The following ZNF683 variants were observed in gnomAD, a reference collection of about 807,000 sequenced individuals.
ZNF683 encodes the protein zinc finger protein 683.
A neutral mutation model predicts 31.4 loss-of-function variants in ZNF683; 20 were observed. That is an observed-to-expected ratio of 0.64 (90% CI 0.45 to 0.93). ZNF683 has a LOEUF of 0.93. Ranked by LOEUF, ZNF683 falls within the 40% of genes least tolerant of loss-of-function variation. The probability of loss-of-function intolerance (pLI) is 0.00; values close to 1 mark genes in which losing one functional copy is unlikely to be tolerated. For missense variants in ZNF683, 621 were observed against 637.2 expected, an observed-to-expected ratio of 0.97 and a Z score of 0.27; for synonymous variants, 264 against 267.6, an observed-to-expected ratio of 0.99 and a Z score of 0.13.
intron 3 of ZNF683, among the ~76,000 whole-genome samples, chr1:26,367,384 C>G (rs1032194501): frequency 2.6e-5 from 4 of 152,188 alleles, no homozygotes; most frequent in Non-Finnish European, 5.9e-5. Flanking sequence ...AGCCAGTGCC[C>G]AGCTTCTCTG....
intron 5 of ZNF683, 41 bp downstream of exon 5, chr1:26,362,985 C>G: frequency 6.4e-7 from 1 of 1,562,788 alleles, no homozygotes. Context: ...AAACTCCTCT[C>G]CAGCCTATAG....
rs370242421 is a variant in ZNF683 at position 26,364,849 on chromosome 1, T to C, written c.697A>G (p.Met233Val). Residue 233 changes from methionine (M) to valine (V), a missense_variant, in exon 4 of 6, where the codon ATG (methionine) becomes GTG (valine). Physicochemically the swap from Met to Val is conservative, Grantham distance 21 (BLOSUM62 1). Coordinates refer to ENST00000349618, the MANE Select transcript of ZNF683 (RefSeq NM_001114759.3). ...PQDPSYPTMAMPSLLMMVNEL... is the reference protein window; with the variant it reads ...PQDPSYPTMAVPSLLMMVNEL... ...TTGACCATCATCAGCAGGCTAGGCA[T>C]AGCCATGGTGGGGTAGGAGGGGTCT... The C allele has an allele frequency of 6.4e-6, 10 of 1,564,766 alleles. No homozygotes were observed. Among genetic ancestry groups the C allele is most frequent in the East Asian group, 2.2e-5 (1 of 44,472 alleles).
intron 1 of ZNF683, among the ~76,000 whole-genome samples, chr1:26,371,492 C>T (rs1484948807): frequency 6.6e-6 from 1 of 151,976 alleles, no homozygotes; most frequent in Admixed American, 6.6e-5. Context: ...CCCAGCTACT[C>T]AGGAGGCTGA....
At chr1:26,371,820 T>C (rs771346998) in intron 1 of ZNF683, among the ~76,000 whole-genome samples, 2 of 151,234 alleles carry the variant, frequency 1.3e-5, no homozygotes, top group African/African-American at 2.4e-5. Context: ...TTGTTCCAGC[T>C]ACTCAGGAGG....
In ZNF683 at chr1:26,369,013, G is replaced by A. The variant is rs61775138; in HGVS notation, c.-14-428C>T. Among the ~76,000 whole-genome samples, 528 of 151,800 alleles carry A rather than the reference G, an allele frequency of 3.5e-3. 1 individual carries two copies. Among genetic ancestry groups the A allele is most frequent in the Non-Finnish European group, 6.0e-3 (409 of 67,902 alleles). The stretch of plus-strand genomic sequence containing the variant: ...TAATCCCAGCACTTTGGGAGTCCAA[G>A]GCGGTTGGATGACCTGATGTCAGGA... On this transcript the variant is annotated intron_variant, in intron 1 of 5. Coordinates refer to ENST00000349618, the MANE Select transcript of ZNF683 (RefSeq NM_001114759.3).
chr1:26,363,012 G>A lies in ZNF683; in HGVS notation c.1143+14C>T. 1 of 1,604,340 alleles carries A rather than the reference G, an allele frequency of 6.2e-7. No individual in the cohort carries two copies. Among genetic ancestry groups the A allele is most frequent in the Non-Finnish European group, 8.5e-7 (1 of 1,174,700 alleles). On this transcript the variant is annotated intron_variant, in intron 5 of 5. Transcript: ENST00000349618. ...AGCCTATAGGAGTACATAGTAGGGG[G>A]AGAAGGATCTCACCGAGCACTTGTG... is the stretch of plus-strand genomic sequence containing the variant.
At chr1:26,362,475 A>G (rs1007447282) in intron 5 of ZNF683, among the ~76,000 whole-genome samples, 1 of 152,088 alleles carries the variant, frequency 6.6e-6, no homozygotes. Flanking sequence ...TACAAGTCCT[A>G]TATTATAGTA....
At chr1:26,363,235 C>T in intron 4 of ZNF683, 81 bp from the exon 5 acceptor site, 2 of 1,496,174 alleles carry the variant, frequency 1.3e-6, no homozygotes, top group Non-Finnish European at 9.0e-7. Flanking sequence ...TCTCTGCCCA[C>T]TTCTCTCTCC....
At chr1:26,370,057 T>C (rs929475265) in intron 1 of ZNF683, among the ~76,000 whole-genome samples, 1 of 151,908 alleles carries the variant, frequency 6.6e-6, no homozygotes, top group African/African-American at 2.4e-5. Context: ...AGAGCAGAGC[T>C]CTCCTGAGAG....
At chr1:26,363,655 C>G (rs2074441219) in intron 4 of ZNF683, among the ~76,000 whole-genome samples, 1 of 150,952 alleles carries the variant, frequency 6.6e-6, no homozygotes, top group African/African-American at 2.4e-5. Context: ...TTCGTCCCAG[C>G]TACCGGGGAG....
chr1:26,371,614 A>T (rs963078364), intron 1 of ZNF683, among the ~76,000 whole-genome samples: 2 of 149,178 alleles, frequency 1.3e-5, no homozygotes, highest in Admixed American at 1.3e-4. Context: ...AAAAAAAAAA[A>T]AATAGACATA....
At position 26,372,706 on chromosome 1, in the gene ZNF683, G is replaced by C; in HGVS notation, c.-52C>G. The C allele has an allele frequency of 7.9e-7, 1 of 1,268,392 alleles. No individual in the cohort carries two copies. The highest frequency in any genetic ancestry group is 1.0e-6 in the Non-Finnish European group (1 of 974,430). The allele number at this position is 1,268,392 out of a possible 1,614,324, so 78.6% of individuals were successfully genotyped here. A position where few individuals can be genotyped will look rare whatever the true frequency, so the allele number is the denominator to read the frequency against. ...GGGCTTTCCTTGGCTTGGGTCTCTG[G>C]TCTGGGTCAAGGCATCTGCTCAGGT... is the stretch of plus-strand genomic sequence containing the variant. On this transcript the variant is annotated 5_prime_UTR_variant, in exon 1 of 6. Coordinates refer to ENST00000349618, the MANE Select transcript of ZNF683 (RefSeq NM_001114759.3).
At position 26,372,429 on chromosome 1, in the gene ZNF683, G is replaced by C. The variant is rs553850187; in HGVS notation, c.-15+240C>G. 6.8e-5 allele frequency: 87 copies of C among 1,271,220 alleles called. No homozygotes were observed. The Middle Eastern group carries it at 8.7e-4, about 13-fold the overall frequency. 78.7% of individuals were successfully genotyped at this position (1,271,220 alleles called of 1,614,324 possible). A position where few individuals can be genotyped will look rare whatever the true frequency, so the allele number is the denominator to read the frequency against. On this transcript the variant is annotated intron_variant, in intron 1 of 5. Coordinates refer to ENST00000349618, the MANE Select transcript of ZNF683 (RefSeq NM_001114759.3). The stretch of plus-strand genomic sequence containing the variant: ...AAAGGTACCTCCCATTATAAAAGCC[G>C]AAATGGCCAAATACTTAATTCCAAC...
At position 26,365,120 on chromosome 1, in the gene ZNF683, G is replaced by A. The variant is rs771860821; in HGVS notation, c.426C>T (p.Gly142=). Residue 142 remains glycine, a synonymous_variant, in exon 4 of 6, where the codon GGC becomes GGT. Transcript: ENST00000349618. The part of the protein sequence containing the change: ...DKLGKQPERA[G]EGAPCPAFSS... ...AGAAGGCTGGGCAGGGGGCCCCCTC[G>A]CCAGCTCTTTCTGGCTGTTTTCCCA... 5.0e-6 allele frequency: 8 copies of A among 1,607,196 alleles called. No homozygotes were observed. Among genetic ancestry groups the A allele is most frequent in the East Asian group, 4.5e-5 (2 of 44,696 alleles).
intron 1 of ZNF683, 184 bp downstream of exon 1, chr1:26,372,485 A>G (rs780260187): frequency 2.3e-6 from 3 of 1,304,572 alleles, no homozygotes; most frequent in African/African-American, 1.5e-5. Context: ...GCAGGCATAC[A>G]TGGACTAGGT....
upstream of ZNF683, chr1:26,372,900 G>A: frequency 9.2e-7 from 1 of 1,088,772 alleles, no homozygotes; most frequent in Non-Finnish European, 1.2e-6. Flanking sequence ...GCTGCTCCAT[G>A]TGGGAACCTG....
chr1:26,367,968 C>T (rs999468726), intron 2 of ZNF683, among the ~76,000 whole-genome samples, 171 bp from the exon 3 acceptor site: 5 of 152,160 alleles, frequency 3.3e-5, no homozygotes, highest in Admixed American at 6.5e-5. Flanking sequence ...AGATCTCTTT[C>T]CCCCAGGATT....
At chr1:26,365,745 TAAA>T (rs1008936858) in intron 3 of ZNF683, among the ~76,000 whole-genome samples, 1 of 152,128 alleles carries the variant, frequency 6.6e-6, no homozygotes, top group Non-Finnish European at 1.5e-5. Flanking sequence ...AAAAACCTGT[TAAA>T]AAATAAACTG....
intron 3 of ZNF683, among the ~76,000 whole-genome samples, chr1:26,366,665 CT>C (rs936019980): frequency 9.9e-5 from 15 of 151,076 alleles, no homozygotes; most frequent in African/African-American, 3.4e-4. Flanking sequence ...CAGCCCAGTG[CT>C]TTTTTTTTGA....
Sources: gnomAD v4.1 joint callset for allele counts (sites outside exome capture counted in the v4.1 genomes callset) on GRCh38, gnomAD v4.1.1 for gene constraint, MANE v1.5 for transcripts, NCBI Gene and HGNC (gene_info 2026-07-23, HGNC 2026-07-21) for gene names.